Variants in STX7 observed in about 807,000 individuals in gnomAD.
STX7 encodes syntaxin 7, also known as syntaxin-7.
STX7 carries 34 observed loss-of-function variants against 39.6 expected under a neutral mutation model. That is an observed-to-expected ratio of 0.86 (90% CI 0.65 to 1.14). The LOEUF is 1.14. Ranked by LOEUF, STX7 falls within the 50% of genes most tolerant of loss-of-function variation. The pLI is 0.00. For synonymous variants in STX7, 119 were observed against 99.1 expected, an observed-to-expected ratio of 1.20 and a Z score of -1.19; for missense variants, 284 against 310.4, an observed-to-expected ratio of 0.92 and a Z score of 0.64.
intron 1 of STX7, among the ~76,000 whole-genome samples, chr6:132,510,145 T>A (rs1775810871): frequency 6.6e-6 from 1 of 152,226 alleles, no homozygotes; most frequent in Non-Finnish European, 1.5e-5. Flanking sequence ...GTAGGAGGAA[T>A]GAAGTCTAGT....
intron 1 of STX7, among the ~76,000 whole-genome samples, chr6:132,508,992 A>C (rs1004975600): frequency 6.6e-6 from 1 of 152,148 alleles, no homozygotes; most frequent in African/African-American, 2.4e-5. Context: ...TGTGGGTATA[A>C]TTGCTAATGT....
intron 8 of STX7, among the ~76,000 whole-genome samples, chr6:132,465,955 C>T (rs1190046845): frequency 6.6e-6 from 1 of 152,208 alleles, no homozygotes. Flanking sequence ...AATCCCATAG[C>T]TGCCATCTTA....
chr6:132,451,522 G>C lies in STX7; in HGVS notation c.*9236C>G, dbSNP rs1774136240. The C allele has an allele frequency of 6.6e-6, 1 of 152,124 alleles. No individual in the cohort carries two copies. Among genetic ancestry groups the C allele is most frequent in the Non-Finnish European group, 1.5e-5 (1 of 68,008 alleles). 9.4% of individuals were successfully genotyped at this position (152,124 alleles called of 1,614,324 possible). A position where few individuals can be genotyped will look rare whatever the true frequency, so the allele number is the denominator to read the frequency against. On this transcript the variant is annotated 3_prime_UTR_variant, in exon 10 of 10. Coordinates refer to ENST00000367941, the MANE Select transcript of STX7 (RefSeq NM_003569.3). Reference sequence around the variant, plus strand: ...ACATTTTCAGATGAAAGAAAACTGAGAGAATTTGTTGCCAATGGAACTACA... The same window carrying C: ...ACATTTTCAGATGAAAGAAAACTGACAGAATTTGTTGCCAATGGAACTACA...
chr6:132,489,839 C>T (rs748260252), intron 2 of STX7, among the ~76,000 whole-genome samples: 10 of 152,066 alleles, frequency 6.6e-5, no homozygotes, highest in Non-Finnish European at 1.2e-4. Flanking sequence ...GGTAGAAAGG[C>T]ATAAAGGTCA....
rs1452436159 is a variant in STX7 at position 132,447,578 on chromosome 6, T to C, written c.*13180A>G. ...TAGTTTTTTTTTCCGTTTTGCCCTCTACATTTTTACTTTAATAACTTTGTT... is the reference window on the plus strand; with the variant it reads ...TAGTTTTTTTTTCCGTTTTGCCCTCCACATTTTTACTTTAATAACTTTGTT... On this transcript the variant is annotated 3_prime_UTR_variant, in exon 10 of 10. Coordinates refer to ENST00000367941, the MANE Select transcript of STX7 (RefSeq NM_003569.3). The C allele has an allele frequency of 6.6e-6, 1 of 152,100 alleles. No individual in the cohort carries two copies. The highest frequency in any genetic ancestry group is 1.5e-5 in the Non-Finnish European group (1 of 67,998). 9.4% of individuals were successfully genotyped at this position (152,100 alleles called of 1,614,324 possible).
At chr6:132,468,921 A>C (rs531071770) in intron 7 of STX7, among the ~76,000 whole-genome samples, 1 of 152,242 alleles carries the variant, frequency 6.6e-6, no homozygotes, top group Admixed American at 6.5e-5. Flanking sequence ...GTGTAAATTT[A>C]AAGTCTCACA....
At chr6:132,463,382 T>C (rs1015772840) in intron 9 of STX7, among the ~76,000 whole-genome samples, 2 of 152,226 alleles carry the variant, frequency 1.3e-5, no homozygotes, top group East Asian at 1.9e-4. Context: ...TAATAGTTGA[T>C]AGTTCTAATA....
At position 132,454,539 on chromosome 6, in the gene STX7, A is replaced by G. The variant is rs1774206383; in HGVS notation, c.*6219T>C. ...TCTCAAAAGTTTAGTTAAAAATACT[A>G]GCATTAAACATATTTTATACTTTAT... On this transcript the variant is annotated 3_prime_UTR_variant, in exon 10 of 10. Transcript: ENST00000367941. 1 of 152,214 alleles carries G rather than the reference A, an allele frequency of 6.6e-6. No individual in the cohort carries two copies. The highest frequency in any genetic ancestry group is 2.4e-5 in the African/African-American group (1 of 41,462). The allele number at this position is 152,214 out of a possible 1,614,324, so 9.4% of individuals were successfully genotyped here. A position where few individuals can be genotyped will look rare whatever the true frequency, so the allele number is the denominator to read the frequency against.
chr6:132,486,410 T>C (rs1394817709), intron 2 of STX7, among the ~76,000 whole-genome samples: 1 of 152,172 alleles, frequency 6.6e-6, no homozygotes, highest in Non-Finnish European at 1.5e-5. Flanking sequence ...GAATTTTTGT[T>C]AGGAATGGAA....
At chr6:132,496,056 A>T (rs891174631) in intron 2 of STX7, among the ~76,000 whole-genome samples, 1 of 152,200 alleles carries the variant, frequency 6.6e-6, no homozygotes, top group Non-Finnish European at 1.5e-5. Flanking sequence ...GCTTACGTTC[A>T]TACTTTATGT....
In STX7 at chr6:132,469,991, C is replaced by A; in HGVS notation, c.497G>T (p.Arg166Leu). 1 of 1,600,196 alleles carries A rather than the reference C, an allele frequency of 6.2e-7. No homozygotes were observed. Among genetic ancestry groups the A allele is most frequent in the Non-Finnish European group, 8.5e-7 (1 of 1,175,322 alleles). ...AGAAGATTCTCTCTCATGAATAAGA[C>A]GGAGGTCATCCTCTGTAATTTCTTC... Reference protein sequence around the residue: ...QDEEITEDDLRLIHERESSIR... With the variant: ...QDEEITEDDLLLIHERESSIR... Residue 166 changes from arginine (R) to leucine (L), a missense_variant, in exon 7 of 10, where the codon CGT becomes CTT. Transcript: ENST00000367941.
chr6:132,507,640 C>CATTCCTTCATTATTGCCAAATAAT (rs1404573943), intron 1 of STX7, among the ~76,000 whole-genome samples: 2 of 150,322 alleles, frequency 1.3e-5, no homozygotes. Context: ...ATCAGTCCTT[C>CATTCCTTCATTATTGCCAAATAAT]ATTCCTTCAT....
rs990794089 is a variant in STX7 at position 132,506,326 on chromosome 6, G to A, written c.-58-2738C>T. ...AATGAACAGACAACCTGCAGAATGG[G>A]AGAAAAATATCTGCAAACTACACAT... On this transcript the variant is annotated intron_variant, in intron 1 of 9. Coordinates refer to ENST00000367941, the MANE Select transcript of STX7 (RefSeq NM_003569.3). 3.3e-5 allele frequency among the ~76,000 whole-genome samples: 5 copies of A among 152,030 alleles called. No homozygotes were observed. In the South Asian group the frequency reaches 1.0e-3, roughly 32 times the overall value.
At chr6:132,502,670 C>A (rs745727646) in intron 2 of STX7, among the ~76,000 whole-genome samples, 6 of 152,116 alleles carry the variant, frequency 3.9e-5, no homozygotes, top group African/African-American at 1.4e-4. Context: ...GAGGCTGAGG[C>A]GGGAGGATCA....
At chr6:132,512,035 T>C (rs985018317) in intron 1 of STX7, among the ~76,000 whole-genome samples, 2 of 152,304 alleles carry the variant, frequency 1.3e-5, no homozygotes, top group Non-Finnish European at 1.5e-5. Flanking sequence ...CTTCTCAAAG[T>C]AGCCTATAAG....
chr6:132,503,413 C>T, intron 2 of STX7, 33 bp downstream of exon 2: 1 of 1,571,698 alleles, frequency 6.4e-7, no homozygotes, highest in Non-Finnish European at 8.8e-7. Flanking sequence ...AGAGTGGATA[C>T]AAATAGTGAA....
chr6:132,500,250 C>T lies in STX7; in HGVS notation c.85+3196G>A, dbSNP rs1775524723. Among the ~76,000 whole-genome samples the T allele has an allele frequency of 2.6e-5, 4 of 152,210 alleles. No individual in the cohort carries two copies. The South Asian group carries it at 8.3e-4, about 32-fold the overall frequency. ...TAAATGCCTCCAGTGATTTCCACTG[C>T]CTCTTAAAATGAAATCTAAACTTCC... On this transcript the variant is annotated intron_variant, in intron 2 of 9. Transcript: ENST00000367941.
chr6:132,485,934 T>C (rs1391978710), intron 2 of STX7, among the ~76,000 whole-genome samples: 1 of 152,258 alleles, frequency 6.6e-6, no homozygotes, highest in Non-Finnish European at 1.5e-5. Flanking sequence ...GTTTCACTTA[T>C]ATTGCCTTCT....
At chr6:132,463,104 G>T (rs1314853809) in intron 9 of STX7, among the ~76,000 whole-genome samples, 2 of 151,922 alleles carry the variant, frequency 1.3e-5, no homozygotes, top group African/African-American at 4.8e-5. Context: ...CACTATTCGG[G>T]AGGCTGAGGC....
Sources: gnomAD v4.1 joint callset for allele counts (sites outside exome capture counted in the v4.1 genomes callset) on GRCh38, gnomAD v4.1.1 for gene constraint, MANE v1.5 for transcripts, NCBI Gene and HGNC (gene_info 2026-07-23, HGNC 2026-07-21) for gene names.